The following CADPS2 variants were observed in gnomAD, a reference collection of about 807,000 sequenced individuals.
CADPS2 encodes the protein calcium dependent secretion activator 2, also known as calcium-dependent secretion activator 2.
Under a neutral mutation model 172.5 loss-of-function variants are expected in CADPS2, and 93 were observed. The ratio of observed to expected loss-of-function variants is 0.54; its 90% CI spans 0.46 to 0.64. CADPS2 has a LOEUF of 0.64. Ranked by LOEUF, CADPS2 falls within the 30% of genes least tolerant of loss-of-function variation. The pLI is 0.00. For missense variants in CADPS2, 1,420 were observed against 1,565.9 expected, an observed-to-expected ratio of 0.91 and a Z score of 1.57; for synonymous variants, 546 against 555.2, an observed-to-expected ratio of 0.98 and a Z score of 0.23.
At chr7:122,878,158 G>T (rs1393402218) in intron 1 of CADPS2, among the ~76,000 whole-genome samples, 5 of 151,208 alleles carry the variant, frequency 3.3e-5, no homozygotes, top group Non-Finnish European at 7.4e-5. Context: ...TACTCGGGGG[G>T]CTGAGACAGG....
At chr7:122,669,355 A>AT (rs34217280) in intron 2 of CADPS2, among the ~76,000 whole-genome samples, 4,924 of 139,458 alleles carry the variant, frequency 0.035, 107 homozygotes, top group South Asian at 0.081. Context: ...ATATATATAT[A>AT]TTTTTTTTTT....
chr7:122,623,962 ACTAT>A (rs1256349713), intron 4 of CADPS2, among the ~76,000 whole-genome samples: 3 of 152,178 alleles, frequency 2.0e-5, no homozygotes, highest in Admixed American at 6.6e-5. Context: ...CACTTCATGA[ACTAT>A]CTATCATCTG....
At chr7:122,751,035 T>G (rs2092933051) in intron 1 of CADPS2, among the ~76,000 whole-genome samples, 1 of 152,150 alleles carries the variant, frequency 6.6e-6, no homozygotes, top group South Asian at 2.1e-4. Context: ...AGGATAAAAC[T>G]CAAACCGATT....
intron 1 of CADPS2, among the ~76,000 whole-genome samples, chr7:122,745,915 C>T (rs563186325): frequency 2.0e-5 from 3 of 152,008 alleles, no homozygotes; most frequent in South Asian, 2.1e-4. Flanking sequence ...GTATTACTAA[C>T]GGGGAAGTAG....
Position 122,645,681 on chromosome 7 carries a change from A to ATATATATATCTC in CADPS2, c.787-16354_787-16353insGAGATATATATA, listed in dbSNP as rs796988558. Among the ~76,000 whole-genome samples, 1,065 of 116,776 alleles carry ATATATATATCTC rather than the reference A, an allele frequency of 9.1e-3. 10 individuals are homozygous for ATATATATATCTC. The highest frequency in any genetic ancestry group is 0.014 in the Non-Finnish European group (808 of 57,716). The allele number at this position is 116,776 out of a possible 152,430, so 76.6% of individuals were successfully genotyped here. The stretch of plus-strand genomic sequence containing the variant: ...AAGATATATATATATATATATATAT[A>ATATATATATCTC]TCTTGGGATTTTGCTCTTAGTTAGA... On this transcript the variant is annotated intron_variant, in intron 3 of 29. Coordinates refer to ENST00000449022, the MANE Select transcript of CADPS2 (RefSeq NM_017954.11).
intron 24 of CADPS2, among the ~76,000 whole-genome samples, chr7:122,385,295 A>T (rs1376914586): frequency 6.6e-6 from 1 of 151,404 alleles, no homozygotes; most frequent in Non-Finnish European, 1.5e-5. Flanking sequence ...ATATAAATAC[A>T]TTTTTTTTTC....
chr7:122,493,685 G>A (rs2058495562), intron 9 of CADPS2, among the ~76,000 whole-genome samples: 1 of 149,754 alleles, frequency 6.7e-6, no homozygotes, highest in Non-Finnish European at 1.5e-5. Context: ...GTACAAAGAT[G>A]TAACACATTT....
At chr7:122,648,541 C>T (rs1364151087) in intron 3 of CADPS2, among the ~76,000 whole-genome samples, 1 of 151,874 alleles carries the variant, frequency 6.6e-6, no homozygotes, top group African/African-American at 2.4e-5. Context: ...TAGAAAAGTG[C>T]CCGAGTAGAA....
Position 122,416,269 on chromosome 7 carries a change from G to T in CADPS2, c.2477-105C>A, listed in dbSNP as rs2047902847. On this transcript the variant is annotated intron_variant, in intron 17 of 29. Transcript: ENST00000449022. ...AATGTTGAAATAGAATGAGAAATAA[G>T]AAATACAAATGAATACATTATTTAG... 6 of 446,120 alleles carry T rather than the reference G, an allele frequency of 1.3e-5. No individual in the cohort carries two copies. The East Asian group carries it at 1.5e-4, about 11-fold the overall frequency. 27.6% of individuals were successfully genotyped at this position (446,120 alleles called of 1,614,324 possible).
chr7:122,569,419 A>G (rs1430007648), intron 7 of CADPS2, among the ~76,000 whole-genome samples: 1 of 152,048 alleles, frequency 6.6e-6, no homozygotes, highest in Non-Finnish European at 1.5e-5. Flanking sequence ...ATGCTCGTGG[A>G]TAGGAAGAAT....
At chr7:122,819,618 AACTTAG>A (rs200386723) in intron 1 of CADPS2, among the ~76,000 whole-genome samples, 29,793 of 151,640 alleles carry the variant, frequency 0.2, 2,869 homozygotes, top group Middle Eastern at 0.3. Context: ...CTCTGGTGCC[AACTTAG>A]ACAGTACTCT....
chr7:122,886,236 TGGA>T lies in CADPS2; in HGVS notation c.99_101del (p.Pro34del), dbSNP rs1296441989. On this transcript the variant is annotated inframe_deletion, in exon 1 of 30. Transcript: ENST00000449022. ...CCCGCCGCCCTTCCCGAGTCGGGGCTGGAGGAGCTCGCTGCGAGCTGCCGGCTG... is the reference window on the plus strand; with the variant it reads ...CCCGCCGCCCTTCCCGAGTCGGGGCTGGAGCTCGCTGCGAGCTGCCGGCTG... 6.7e-7 allele frequency: 1 copy of T among 1,497,942 alleles called. No individual in the cohort carries two copies. The highest frequency in any genetic ancestry group is 1.5e-5 in the African/African-American group (1 of 68,122). The allele number at this position is 1,497,942 out of a possible 1,614,324, so 92.8% of individuals were successfully genotyped here.
intron 1 of CADPS2, among the ~76,000 whole-genome samples, chr7:122,880,170 C>G (rs1265404127): frequency 2.0e-5 from 3 of 152,124 alleles, no homozygotes; most frequent in African/African-American, 7.2e-5. Flanking sequence ...AGTGTCAGCT[C>G]CAACTTGGAG....
intron 3 of CADPS2, among the ~76,000 whole-genome samples, chr7:122,658,166 A>T (rs1470523399): frequency 6.6e-6 from 1 of 152,204 alleles, no homozygotes; most frequent in Non-Finnish European, 1.5e-5. Context: ...CCATCAGAGA[A>T]ATGCAAATCA....
At chr7:122,392,941 C>G (rs898140942) in intron 22 of CADPS2, among the ~76,000 whole-genome samples, 4 of 151,982 alleles carry the variant, frequency 2.6e-5, no homozygotes, top group Non-Finnish European at 5.9e-5. Context: ...GGTAGAATGC[C>G]ACCAAATTAT....
Position 122,379,357 on chromosome 7 carries a change from TAATAC to T in CADPS2, c.3387+6_3387+10del. 6.5e-7 allele frequency: 1 copy of T among 1,535,998 alleles called. No individual in the cohort carries two copies. The highest frequency in any genetic ancestry group is 8.9e-7 in the Non-Finnish European group (1 of 1,122,488). ...ACTTTGATTTAAAAAGGTGAATAAA[TAATAC>T]ATTACCTTTGAAACTAACAGTGAAA... On this transcript the variant is annotated splice_donor_region_variant and intron_variant, in intron 25 of 29. Coordinates refer to ENST00000449022, the MANE Select transcript of CADPS2 (RefSeq NM_017954.11).
At chr7:122,857,599 G>T (rs1815665636) in intron 1 of CADPS2, among the ~76,000 whole-genome samples, 1 of 152,142 alleles carries the variant, frequency 6.6e-6, no homozygotes, top group Non-Finnish European at 1.5e-5. Flanking sequence ...TTCCAATTAT[G>T]AGGTCCTGAC....
At chr7:122,474,662 T>A in intron 12 of CADPS2, 145 bp from the exon 13 acceptor site, 2 of 714,718 alleles carry the variant, frequency 2.8e-6, no homozygotes, top group Non-Finnish European at 2.2e-6. Context: ...TTCAGCATAT[T>A]AACATAAATT....
intron 22 of CADPS2, among the ~76,000 whole-genome samples, chr7:122,392,720 G>A (rs73216116): frequency 0.3 from 46,235 of 151,968 alleles, 7,097 homozygotes; most frequent in Middle Eastern, 0.37. Context: ...CTGCAATGAT[G>A]CAGTACTGTT....
Sources: gnomAD v4.1 joint callset for allele counts (sites outside exome capture counted in the v4.1 genomes callset) on GRCh38, gnomAD v4.1.1 for gene constraint, MANE v1.5 for transcripts, NCBI Gene and HGNC (gene_info 2026-07-23, HGNC 2026-07-21) for gene names.